The following PPP2R5E variants were observed in gnomAD, a reference collection of about 807,000 sequenced individuals.
PPP2R5E encodes the protein serine/threonine-protein phosphatase 2A 56 kDa regulatory subunit epsilon isoform.
PPP2R5E carries 4 observed loss-of-function variants against 65.3 expected under a neutral mutation model. That is an observed-to-expected ratio of 0.06 (90% CI 0.03 to 0.14). The LOEUF is 0.14. Among genes scored for constraint, PPP2R5E ranks in the 10% least tolerant of loss-of-function variants. The pLI is 1.00. For synonymous variants in PPP2R5E, 183 were observed against 187.4 expected, an observed-to-expected ratio of 0.98 and a Z score of 0.19; for missense variants, 274 against 556.1, an observed-to-expected ratio of 0.49 and a Z score of 5.10.
intron 3 of PPP2R5E, among the ~76,000 whole-genome samples, chr14:63,438,516 A>G (rs542816584): frequency 3.7e-4 from 56 of 152,350 alleles, no homozygotes; most frequent in Middle Eastern, 3.4e-3. Flanking sequence ...ACTTGAATGC[A>G]GTACTGTAAC....
At chr14:63,430,754 T>C (rs1887629379) in intron 3 of PPP2R5E, among the ~76,000 whole-genome samples, 2 of 152,224 alleles carry the variant, frequency 1.3e-5, no homozygotes, top group Non-Finnish European at 2.9e-5. Context: ...TCTGTAAGCT[T>C]TCAATTACCG....
chr14:63,381,151 T>C (rs772114575), intron 13 of PPP2R5E, among the ~76,000 whole-genome samples: 5 of 152,218 alleles, frequency 3.3e-5, no homozygotes, highest in Non-Finnish European at 7.3e-5. Flanking sequence ...GTAGAATGCA[T>C]TGGACAAGAT....
chr14:63,471,619 GAGGT>G (rs1890135323), intron 2 of PPP2R5E, among the ~76,000 whole-genome samples: 2 of 152,076 alleles, frequency 1.3e-5, no homozygotes, highest in Admixed American at 1.3e-4. Flanking sequence ...ACAATGCTGT[GAGGT>G]AGGTATTACC....
At chr14:63,509,750 T>G (rs891009535) in intron 2 of PPP2R5E, among the ~76,000 whole-genome samples, 4 of 152,186 alleles carry the variant, frequency 2.6e-5, no homozygotes, top group African/African-American at 9.7e-5. Context: ...ATTCAAAGCC[T>G]GAGAATCAGC....
intron 11 of PPP2R5E, among the ~76,000 whole-genome samples, chr14:63,384,820 C>T (rs533730112): frequency 8.6e-5 from 13 of 151,964 alleles, no homozygotes; most frequent in Non-Finnish European, 1.5e-4. Flanking sequence ...CTCAGCCTCC[C>T]GAGTAACTGG....
chr14:63,476,730 C>T (rs1890430383), intron 2 of PPP2R5E, among the ~76,000 whole-genome samples: 1 of 152,062 alleles, frequency 6.6e-6, no homozygotes. Flanking sequence ...TTCTTCTATC[C>T]TTAGATTTTT....
At chr14:63,531,188 A>G (rs1893419655) in intron 2 of PPP2R5E, among the ~76,000 whole-genome samples, 1 of 152,200 alleles carries the variant, frequency 6.6e-6, no homozygotes, top group African/African-American at 2.4e-5. Context: ...AAAGAAAGAA[A>G]AAAATAACAT....
chr14:63,396,827 C>T (rs529605933), intron 5 of PPP2R5E, 111 bp from the exon 6 acceptor site: 2 of 1,337,058 alleles, frequency 1.5e-6, no homozygotes, highest in South Asian at 1.4e-5. Context: ...TGTTGAATAT[C>T]TATTATGTGC....
chr14:63,395,326 A>G (rs1476275562), intron 6 of PPP2R5E, 41 bp from the exon 7 acceptor site: 12 of 1,338,426 alleles, frequency 9.0e-6, no homozygotes, highest in Non-Finnish European at 1.3e-5. Flanking sequence ...GGAGGAGAGG[A>G]GGAGGAGAAG....
chr14:63,375,846 G>GT lies in PPP2R5E; in HGVS notation c.*162dup, dbSNP rs1883955934. 2 of 432,728 alleles carry GT rather than the reference G, an allele frequency of 4.6e-6. No homozygotes were observed. The highest frequency in any genetic ancestry group is 8.1e-6 in the Non-Finnish European group (2 of 246,808). The allele number at this position is 432,728 out of a possible 1,614,324, so 26.8% of individuals were successfully genotyped here. On this transcript the variant is annotated 3_prime_UTR_variant, in exon 14 of 14. Transcript: ENST00000337537. ...AACTTTGGATTGAAGTCCTTATTTT[G>GT]TTTTTTCCTTTACTTAGAGACAGGT... is the stretch of plus-strand genomic sequence containing the variant.
intron 2 of PPP2R5E, among the ~76,000 whole-genome samples, chr14:63,527,742 T>C (rs1317249998): frequency 6.6e-6 from 1 of 152,128 alleles, no homozygotes; most frequent in Non-Finnish European, 1.5e-5. Context: ...AAGACCAGCC[T>C]GGCCAACATG....
At chr14:63,475,092 G>T (rs144846971) in intron 2 of PPP2R5E, among the ~76,000 whole-genome samples, 63 of 152,366 alleles carry the variant, frequency 4.1e-4, no homozygotes, top group Non-Finnish European at 8.4e-4. Flanking sequence ...GATCAAGGCA[G>T]ATCAACCCAC....
At chr14:63,491,987 GGAAACAAAGGGGACAAA>G (rs1431972194) in intron 2 of PPP2R5E, among the ~76,000 whole-genome samples, 15 of 151,996 alleles carry the variant, frequency 9.9e-5, no homozygotes, top group African/African-American at 3.4e-4. Flanking sequence ...AGACAATAAA[GGAAACAAAGGGGACAAA>G]GAAACACATC....
intron 2 of PPP2R5E, among the ~76,000 whole-genome samples, chr14:63,510,055 T>C (rs1473639566): frequency 2.6e-5 from 4 of 152,208 alleles, no homozygotes; most frequent in African/African-American, 7.2e-5. Flanking sequence ...CATACAATGA[T>C]TATATATTTA....
chr14:63,539,275 G>A (rs1394663866), intron 2 of PPP2R5E, among the ~76,000 whole-genome samples: 1 of 152,064 alleles, frequency 6.6e-6, no homozygotes, highest in Admixed American at 6.6e-5. Flanking sequence ...AGTTTCTCTA[G>A]TACTTAGTTT....
At chr14:63,437,175 T>C (rs1202819418) in intron 3 of PPP2R5E, among the ~76,000 whole-genome samples, 1 of 152,162 alleles carries the variant, frequency 6.6e-6, no homozygotes, top group Non-Finnish European at 1.5e-5. Flanking sequence ...AGTTACCCTA[T>C]ATGGTCTAAA....
At chr14:63,487,466 T>C (rs115743631) in intron 2 of PPP2R5E, among the ~76,000 whole-genome samples, 5 of 152,222 alleles carry the variant, frequency 3.3e-5, no homozygotes, top group African/African-American at 1.2e-4. Context: ...GAGGAGAAGC[T>C]TGAGAATGGT....
chr14:63,483,801 G>C (rs557724786), intron 2 of PPP2R5E, among the ~76,000 whole-genome samples: 1 of 152,062 alleles, frequency 6.6e-6, no homozygotes, highest in African/African-American at 2.4e-5. Flanking sequence ...AAAAGCTCCC[G>C]AGGCCAGGCA....
chr14:63,460,934 C>T (rs1282421363), intron 2 of PPP2R5E, among the ~76,000 whole-genome samples: 1 of 152,188 alleles, frequency 6.6e-6, no homozygotes, highest in Non-Finnish European at 1.5e-5. Flanking sequence ...GATAAATGCA[C>T]ACAGTGATAA....
Sources: gnomAD v4.1 joint callset for allele counts (sites outside exome capture counted in the v4.1 genomes callset) on GRCh38, gnomAD v4.1.1 for gene constraint, MANE v1.5 for transcripts, NCBI Gene and HGNC (gene_info 2026-07-23, HGNC 2026-07-21) for gene names.